The following CD96 variants were observed in gnomAD, a reference collection of about 807,000 sequenced individuals.
The protein encoded by CD96 is CD96 molecule.
A neutral mutation model predicts 71.3 loss-of-function variants in CD96; 70 were observed. The ratio of observed to expected loss-of-function variants is 0.98; its 90% CI spans 0.81 to 1.20. CD96 has a LOEUF of 1.20. CD96 is among the 50% of genes most tolerant of loss of function. The pLI, the probability that CD96 is intolerant of heterozygous loss-of-function variation, is 0.00. For missense variants in CD96, 742 were observed against 677.5 expected (o/e 1.10, Z -1.06); for synonymous variants, 248 against 233.0 (o/e 1.06, Z -0.59).
At chr3:111,612,019 GTATTGTCCAGT>G (rs1174029720) in intron 8 of CD96, among the ~76,000 whole-genome samples, 1 of 152,174 alleles carries the variant, frequency 6.6e-6, no homozygotes, top group Admixed American at 6.5e-5. Context: ...TTGAAGGCCT[GTATTGTCCAGT>G]TAATGTCACT....
At chr3:111,641,591 A>G (rs1309917610) in intron 12 of CD96, among the ~76,000 whole-genome samples, 1 of 152,252 alleles carries the variant, frequency 6.6e-6, no homozygotes, top group Admixed American at 6.5e-5. Context: ...ACAGGTCATC[A>G]AAACCAAAAA....
Position 111,545,201 on chromosome 3 carries a change from C to T in CD96, c.217C>T (p.Pro73Ser). Residue 73 changes from proline to serine, a missense_variant, in exon 2 of 14, where the codon CCC (proline) becomes TCC (serine). Physicochemically the swap from Pro to Ser is moderately conservative, Grantham distance 74. Coordinates refer to ENST00000352690, the MANE Select transcript of CD96 (RefSeq NM_005816.5). ...NKIDLIAVYH[P>S]QYGFYCAYGR... ...GATAGACCTGATTGCTGTCTATCAT[C>T]CCCAATACGGCTTCTACTGTGCCTA... The T allele has an allele frequency of 6.2e-7, 1 of 1,614,156 alleles. No individual in the cohort carries two copies. The highest frequency in any genetic ancestry group is 8.5e-7 in the Non-Finnish European group (1 of 1,180,010).
chr3:111,593,507 A>G, intron 5 of CD96: 2 of 1,507,274 alleles, frequency 1.3e-6, no homozygotes, highest in Non-Finnish European at 1.8e-6. Context: ...CTACAAGTCT[A>G]GAGTCAATGT....
intron 7 of CD96, among the ~76,000 whole-genome samples, chr3:111,605,698 C>A (rs1273344746): frequency 3.9e-5 from 6 of 152,100 alleles, no homozygotes; most frequent in African/African-American, 1.2e-4. Flanking sequence ...GTGCTACTAG[C>A]AATAAGAATA....
chr3:111,633,303 T>A lies in CD96; in HGVS notation c.1322-3893T>A, dbSNP rs557711067. The stretch of plus-strand genomic sequence containing the variant: ...CATCTTCTACGGGTGCAGTTTGTGA[T>A]GCCTCAAAATAATTTCAATGGTAAC... On this transcript the variant is annotated intron_variant, in intron 10 of 13. Coordinates refer to ENST00000352690, the MANE Select transcript of CD96 (RefSeq NM_005816.5). 2.6e-5 allele frequency among the ~76,000 whole-genome samples: 4 copies of A among 152,298 alleles called. No homozygotes were observed. In the South Asian group the frequency reaches 8.3e-4, roughly 32 times the overall value.
At chr3:111,655,504 T>C (rs959479002), downstream of CD96, among the ~76,000 whole-genome samples, 6 of 152,058 alleles carry the variant, frequency 3.9e-5, no homozygotes, top group Admixed American at 3.3e-4. Context: ...GGACAACATA[T>C]GAGAAATACT....
chr3:111,629,916 T>C (rs541664645), intron 10 of CD96, among the ~76,000 whole-genome samples: 61 of 152,272 alleles, frequency 4.0e-4, no homozygotes, highest in Admixed American at 3.4e-3. Context: ...TGAATGACTT[T>C]CAGGTTAATA....
At chr3:111,542,776 AG>A (rs1934170652) in intron 1 of CD96, among the ~76,000 whole-genome samples, 1 of 152,210 alleles carries the variant, frequency 6.6e-6, no homozygotes, top group African/African-American at 2.4e-5. Context: ...GGTCTTTGGG[AG>A]TTGAAAACAC....
intron 10 of CD96, among the ~76,000 whole-genome samples, chr3:111,627,952 TA>T (rs1235372312): frequency 1.3e-5 from 2 of 150,486 alleles, no homozygotes; most frequent in East Asian, 3.9e-4. Flanking sequence ...AGAAAACAAA[TA>T]AAACACAACA....
At chr3:111,606,649 C>A in intron 7 of CD96, 51 bp from the exon 8 acceptor site, 1 of 919,926 alleles carries the variant, frequency 1.1e-6, no homozygotes, top group Non-Finnish European at 1.8e-6. Context: ...AATACTTTAT[C>A]TTTTGATTAC....
At chr3:111,601,056 T>C (rs1937475067) in intron 7 of CD96, 142 bp downstream of exon 7, 1 of 587,426 alleles carries the variant, frequency 1.7e-6, no homozygotes, top group Admixed American at 3.3e-5. Flanking sequence ...TTTCAAGTTA[T>C]CAAACATTTT....
chr3:111,577,564 G>T (rs1160349089), intron 3 of CD96: 2 of 1,536,474 alleles, frequency 1.3e-6, no homozygotes, highest in Admixed American at 1.7e-5. Flanking sequence ...GTAAATTGCT[G>T]CAGGAAAAAG....
chr3:111,619,029 A>G (rs555796928), intron 8 of CD96, among the ~76,000 whole-genome samples: 2 of 152,334 alleles, frequency 1.3e-5, no homozygotes, highest in African/African-American at 4.8e-5. Flanking sequence ...CCCAAAAGTT[A>G]ATCAACCATA....
chr3:111,606,942 A>T (rs1175806420), intron 8 of CD96, 150 bp downstream of exon 8: 5 of 694,768 alleles, frequency 7.2e-6, no homozygotes, highest in Non-Finnish European at 1.3e-5. Context: ...CTTTATTGAG[A>T]TATAATTCAC....
intron 4 of CD96, among the ~76,000 whole-genome samples, chr3:111,581,545 G>A (rs892554552): frequency 1.3e-5 from 2 of 152,104 alleles, no homozygotes; most frequent in African/African-American, 4.8e-5. Flanking sequence ...GGGACAAGAG[G>A]GGCTACTCCA....
chr3:111,641,807 C>T lies in CD96; in HGVS notation c.1477+3639C>T, dbSNP rs565075273. On this transcript the variant is annotated intron_variant, in intron 12 of 13. Transcript: ENST00000352690. ...AAATTATATCAAGCACTCTCTCAGA[C>T]CACAGTGAAATAAAACTGGAAATCA... Among the ~76,000 whole-genome samples, 11 of 152,250 alleles carry T rather than the reference C, an allele frequency of 7.2e-5. No homozygotes were observed. In the East Asian group the frequency reaches 1.5e-3, roughly 21 times the overall value.
Position 111,576,155 on chromosome 3 carries a change from C to T in CD96, c.544-2872C>T, listed in dbSNP as rs558686165. Among the ~76,000 whole-genome samples the T allele has an allele frequency of 7.8e-4, 118 of 152,192 alleles. No homozygotes were observed. The South Asian group carries it at 0.011, about 15-fold the overall frequency. Reference sequence around the variant, plus strand: ...TTCCCATTAAAATGTGGGAGTCTACCAAGGTGTGAATCCATAAAGTTTTAG... The same window carrying T: ...TTCCCATTAAAATGTGGGAGTCTACTAAGGTGTGAATCCATAAAGTTTTAG... On this transcript the variant is annotated intron_variant, in intron 3 of 13. Transcript: ENST00000352690.
chr3:111,662,975 G>A (rs1243582260), intron 14 of CD96, among the ~76,000 whole-genome samples: 1 of 152,180 alleles, frequency 6.6e-6, no homozygotes, highest in Admixed American at 6.5e-5. Context: ...CACTGCTATA[G>A]AGACATACCT....
intron 1 of CD96, among the ~76,000 whole-genome samples, chr3:111,544,597 G>T (rs570814365): frequency 6.6e-6 from 1 of 152,256 alleles, no homozygotes; most frequent in East Asian, 1.9e-4. Context: ...CAAAGAAATT[G>T]CTATACACAT....
Sources: gnomAD v4.1 joint callset for allele counts (sites outside exome capture counted in the v4.1 genomes callset) on GRCh38, gnomAD v4.1.1 for gene constraint, MANE v1.5 for transcripts, NCBI Gene and HGNC (gene_info 2026-07-23, HGNC 2026-07-21) for gene names.